The following PARPBP variants were observed in gnomAD, a reference collection of about 807,000 sequenced individuals.
PARPBP encodes the protein PCNA-interacting partner.
In PARPBP, 52 loss-of-function variants were observed where a neutral mutation model predicts 50.0. The observed-to-expected ratio is 1.04, with a 90% CI of 0.83 to 1.31. The LOEUF (loss-of-function observed/expected upper bound fraction) is 1.31. PARPBP is among the 50% of genes most tolerant of loss of function. The pLI is 0.00. For missense variants in PARPBP, 697 were observed against 672.0 expected (o/e 1.04, Z -0.41); for synonymous variants, 244 against 232.1 (o/e 1.05, Z -0.47).
intron 9 of PARPBP, among the ~76,000 whole-genome samples, chr12:102,191,877 G>C (rs989132279): frequency 2.0e-5 from 3 of 152,076 alleles, no homozygotes; most frequent in Non-Finnish European, 2.9e-5. Flanking sequence ...ATTATTCTTA[G>C]TTGTTTAGTA....
chr12:102,136,760 T>A (rs1295907950), intron 2 of PARPBP, among the ~76,000 whole-genome samples: 1 of 152,222 alleles, frequency 6.6e-6, no homozygotes, highest in African/African-American at 2.4e-5. Context: ...AGCTTAGGCA[T>A]CCTCAACTGT....
chr12:102,156,328 A>G (rs1886933018), intron 4 of PARPBP, among the ~76,000 whole-genome samples: 1 of 150,614 alleles, frequency 6.6e-6, no homozygotes, highest in African/African-American at 2.4e-5. Context: ...CTGGGACTAC[A>G]GGTGCCCACC....
intron 1 of PARPBP, among the ~76,000 whole-genome samples, chr12:102,121,520 G>A (rs956577266): frequency 7.9e-5 from 11 of 138,854 alleles, no homozygotes; most frequent in Non-Finnish European, 1.4e-4. Flanking sequence ...TGAGACTCTT[G>A]GTTTTCTGTC....
chr12:102,139,663 A>G (rs953861503), intron 2 of PARPBP, among the ~76,000 whole-genome samples: 10 of 152,266 alleles, frequency 6.6e-5, no homozygotes, highest in Non-Finnish European at 1.2e-4. Context: ...TCCCATCAGT[A>G]CCTAGTTTAT....
At chr12:102,165,603 G>A in intron 5 of PARPBP, 126 bp from the exon 6 acceptor site, 1 of 697,040 alleles carries the variant, frequency 1.4e-6, no homozygotes, top group Non-Finnish European at 2.5e-6. Flanking sequence ...AGTGTGTCAT[G>A]AGCCATAAAA....
At chr12:102,172,441 A>G (rs1888852038) in intron 6 of PARPBP, among the ~76,000 whole-genome samples, 1 of 152,124 alleles carries the variant, frequency 6.6e-6, no homozygotes, top group South Asian at 2.1e-4. Context: ...TTTAGTTAAA[A>G]CTTCTGGAGT....
At chr12:102,191,242 G>C (rs559152936) in intron 9 of PARPBP, among the ~76,000 whole-genome samples, 25 of 152,078 alleles carry the variant, frequency 1.6e-4, no homozygotes, top group Non-Finnish European at 2.8e-4. Flanking sequence ...TTAAATAAAG[G>C]CATGACAATT....
intron 2 of PARPBP, among the ~76,000 whole-genome samples, chr12:102,135,197 A>G (rs1000898453): frequency 6.6e-6 from 1 of 152,178 alleles, no homozygotes; most frequent in Non-Finnish European, 1.5e-5. Flanking sequence ...AATGAAGACC[A>G]AAAGACAAGT....
At chr12:102,140,696 T>C (rs765706707) in intron 2 of PARPBP, among the ~76,000 whole-genome samples, 2 of 152,238 alleles carry the variant, frequency 1.3e-5, no homozygotes, top group Non-Finnish European at 2.9e-5. Flanking sequence ...TTTGTTCTTA[T>C]TGGTTTCAAA....
intron 9 of PARPBP, among the ~76,000 whole-genome samples, chr12:102,186,289 T>G (rs376998668): frequency 3.4e-4 from 52 of 152,188 alleles, no homozygotes; most frequent in African/African-American, 1.0e-3. Context: ...ATATTTTGTG[T>G]TGTTTTCTTG....
intron 3 of PARPBP, among the ~76,000 whole-genome samples, chr12:102,153,638 C>T (rs945468359): frequency 4.6e-5 from 7 of 152,198 alleles, no homozygotes; most frequent in African/African-American, 1.7e-4. Context: ...CGGTACCTGA[C>T]CCTAAACTCT....
chr12:102,155,627 T>G (rs1886797446), intron 4 of PARPBP, among the ~76,000 whole-genome samples: 2 of 134,620 alleles, frequency 1.5e-5, no homozygotes, highest in South Asian at 2.6e-4. Flanking sequence ...GATTGGAATA[T>G]AAACCCAGGC....
Position 102,142,245 on chromosome 12 carries a change from A to G in PARPBP, c.154-5985A>G, listed in dbSNP as rs562545074. On this transcript the variant is annotated intron_variant, in intron 2 of 10. Coordinates refer to ENST00000327680, the MANE Select transcript of PARPBP (RefSeq NM_017915.5). Reference sequence around the variant, plus strand: ...CTTCATTTCATTAATTTGATCTTCAATCACTGATACCCTTTCTTCCACTTG... The same window carrying G: ...CTTCATTTCATTAATTTGATCTTCAGTCACTGATACCCTTTCTTCCACTTG... Among the ~76,000 whole-genome samples the G allele has an allele frequency of 7.2e-5, 11 of 152,144 alleles. No individual in the cohort carries two copies. The South Asian group carries it at 1.7e-3, about 23-fold the overall frequency.
chr12:102,132,270 C>T (rs759662817), intron 2 of PARPBP, among the ~76,000 whole-genome samples: 15 of 150,396 alleles, frequency 1.0e-4, no homozygotes, highest in Non-Finnish European at 1.9e-4. Context: ...ACCTGTGTAA[C>T]AAACCTGCAC....
intron 2 of PARPBP, among the ~76,000 whole-genome samples, chr12:102,147,045 A>G (rs1023847055): frequency 3.9e-5 from 6 of 152,074 alleles, no homozygotes; most frequent in Admixed American, 2.0e-4. Flanking sequence ...TTAGAATGGC[A>G]ATCATTAAAA....
chr12:102,155,567 C>G (rs1169136468), intron 4 of PARPBP, among the ~76,000 whole-genome samples: 3 of 122,788 alleles, frequency 2.4e-5, no homozygotes, highest in Non-Finnish European at 4.7e-5. Flanking sequence ...AAAGAAATAG[C>G]CAATCATCTA....
At chr12:102,153,629 G>A (rs1396096557) in intron 3 of PARPBP, among the ~76,000 whole-genome samples, 2 of 152,162 alleles carry the variant, frequency 1.3e-5, no homozygotes, top group African/African-American at 2.4e-5. Flanking sequence ...TGTGAGCCAC[G>A]GTACCTGACC....
intron 7 of PARPBP, among the ~76,000 whole-genome samples, 183 bp from the exon 8 acceptor site, chr12:102,178,409 A>T (rs1889495477): frequency 6.6e-6 from 1 of 152,216 alleles, no homozygotes; most frequent in Non-Finnish European, 1.5e-5. Flanking sequence ...TGGAATTGGT[A>T]AAGTTGATTA....
chr12:102,159,147 C>G (rs1158251934), intron 4 of PARPBP, among the ~76,000 whole-genome samples: 4 of 152,038 alleles, frequency 2.6e-5, no homozygotes, highest in Non-Finnish European at 1.5e-5. Flanking sequence ...TTTTTCCCCT[C>G]TGAGACGGAG....
Sources: gnomAD v4.1 joint callset for allele counts (sites outside exome capture counted in the v4.1 genomes callset) on GRCh38, gnomAD v4.1.1 for gene constraint, MANE v1.5 for transcripts, NCBI Gene and HGNC (gene_info 2026-07-23, HGNC 2026-07-21) for gene names.